GRM5: variants seen among roughly 807,000 people sequenced by gnomAD.
The protein encoded by GRM5 is glutamate metabotropic receptor 5, also known as metabotropic glutamate receptor 5.
Under a neutral mutation model 83.1 loss-of-function variants are expected in GRM5, and 19 were observed. The ratio of observed to expected loss-of-function variants is 0.23; its 90% confidence interval spans 0.16 to 0.34. The LOEUF is 0.34. Among genes scored for constraint, GRM5 ranks in the 10% least tolerant of loss-of-function variants. The pLI is 1.00. For synonymous variants in GRM5, 675 were observed against 633.6 expected, an observed-to-expected ratio of 1.07 and a Z score of -0.98; for missense variants, 1,160 against 1,588.3, an observed-to-expected ratio of 0.73 and a Z score of 4.58.
intron 3 of GRM5, among the ~76,000 whole-genome samples, chr11:88,770,388 A>C (rs1221698379): frequency 6.6e-6 from 1 of 152,136 alleles, no homozygotes; most frequent in Non-Finnish European, 1.5e-5. Context: ...TAACAAATAT[A>C]CTACACTAAT....
Position 88,515,930 on chromosome 11 carries a change from T to C in GRM5, c.2727-6426A>G, listed in dbSNP as rs184512907. On this transcript the variant is annotated intron_variant, in intron 9 of 9. Transcript: ENST00000305447. ...GAAGAGGAGAATCCTGGAATGGTAA[T>C]AGTTTCCATTTTAATAGAACTTTTC... 7.9e-5 allele frequency among the ~76,000 whole-genome samples: 12 copies of C among 152,352 alleles called. No individual in the cohort carries two copies. The East Asian group carries it at 2.1e-3, about 27-fold the overall frequency.
intron 2 of GRM5, among the ~76,000 whole-genome samples, chr11:88,888,273 C>G (rs1590940559): frequency 6.6e-6 from 1 of 152,244 alleles, no homozygotes. Context: ...GCTCCTAAGC[C>G]AAACCCTAAC....
In GRM5 at chr11:88,551,164, G is replaced by A. The variant is rs528424938; in HGVS notation, c.2630+15889C>T. On this transcript the variant is annotated intron_variant, in intron 8 of 9. Transcript: ENST00000305447. ...CATGGGGTTGTTTTAGTGGTTCAGT[G>A]AATGTCTATGTGGTACTGACAGTAG... Among the ~76,000 whole-genome samples the A allele has an allele frequency of 3.3e-5, 5 of 152,238 alleles. No individual in the cohort carries two copies. In the East Asian group the frequency reaches 9.7e-4, roughly 29 times the overall value.
At chr11:88,775,957 T>C (rs1285780288) in intron 3 of GRM5, among the ~76,000 whole-genome samples, 2 of 152,204 alleles carry the variant, frequency 1.3e-5, no homozygotes, top group South Asian at 2.1e-4. Context: ...CTATTAGGTC[T>C]GCTTGTTTCA....
intron 3 of GRM5, among the ~76,000 whole-genome samples, chr11:88,740,691 G>C (rs1280733657): frequency 6.6e-6 from 1 of 151,956 alleles, no homozygotes; most frequent in African/African-American, 2.4e-5. Context: ...ATCTAATAAG[G>C]CTTCGTGAGA....
intron 2 of GRM5, among the ~76,000 whole-genome samples, chr11:88,882,008 A>C (rs1944961949): frequency 6.6e-6 from 1 of 152,034 alleles, no homozygotes; most frequent in South Asian, 2.1e-4. Context: ...TTGGGATGCC[A>C]AGGTGGGCAG....
intron 3 of GRM5, among the ~76,000 whole-genome samples, chr11:88,689,164 AC>A (rs1045424792): frequency 3.3e-5 from 5 of 152,162 alleles, no homozygotes; most frequent in African/African-American, 1.2e-4. Context: ...ATTTGTAAAA[AC>A]AAAACATGCC....
rs147431142 is a variant in GRM5 at position 88,949,848 on chromosome 11, A to C, written c.661+97364T>G. On this transcript the variant is annotated intron_variant, in intron 2 of 9. Transcript: ENST00000305447. ...TTTAGGAGCCAAAAATGATATATAC[A>C]TCAATGTAATCAATATGCAATACTT... Among the ~76,000 whole-genome samples the C allele has an allele frequency of 5.1e-4, 77 of 152,218 alleles. No homozygotes were observed. In the East Asian group the frequency reaches 0.014, roughly 28 times the overall value.
chr11:88,918,137 A>G (rs1177040035), intron 2 of GRM5, among the ~76,000 whole-genome samples: 1 of 152,018 alleles, frequency 6.6e-6, no homozygotes, highest in Non-Finnish European at 1.5e-5. Context: ...GCAGACTTAA[A>G]GTCTTGACCT....
At chr11:88,731,705 T>C (rs1941812340) in intron 3 of GRM5, among the ~76,000 whole-genome samples, 1 of 151,964 alleles carries the variant, frequency 6.6e-6, no homozygotes, top group Non-Finnish European at 1.5e-5. Flanking sequence ...CTGACCTATA[T>C]TTACAGAAAT....
intron 2 of GRM5, among the ~76,000 whole-genome samples, chr11:88,869,294 G>T (rs146733953): frequency 2.6e-5 from 4 of 151,560 alleles, no homozygotes; most frequent in African/African-American, 9.7e-5. Flanking sequence ...ATTACACTGG[G>T]TCATGAGTTT....
At chr11:88,773,221 T>G (rs1591504941) in intron 3 of GRM5, among the ~76,000 whole-genome samples, 1 of 152,366 alleles carries the variant, frequency 6.6e-6, no homozygotes, top group East Asian at 1.9e-4. Context: ...CATTTTTTCA[T>G]GTGTCTGTTG....
At chr11:88,677,138 T>C (rs1940352649) in intron 3 of GRM5, among the ~76,000 whole-genome samples, 1 of 152,098 alleles carries the variant, frequency 6.6e-6, no homozygotes, top group Non-Finnish European at 1.5e-5. Flanking sequence ...TTAATTTTAC[T>C]ATATTCATTT....
chr11:88,848,588 A>C (rs1003375301), intron 3 of GRM5, among the ~76,000 whole-genome samples: 1 of 152,238 alleles, frequency 6.6e-6, no homozygotes, highest in Admixed American at 6.5e-5. Flanking sequence ...TATATGGTAC[A>C]TAATGTTTTA....
chr11:88,631,963 C>T (rs1938981561), intron 4 of GRM5, among the ~76,000 whole-genome samples: 1 of 151,824 alleles, frequency 6.6e-6, no homozygotes, highest in Non-Finnish European at 1.5e-5. Context: ...GATATTTGTC[C>T]TTATACATTT....
intron 3 of GRM5, among the ~76,000 whole-genome samples, chr11:88,740,736 A>T (rs1942010685): frequency 6.6e-6 from 1 of 152,088 alleles, no homozygotes; most frequent in Admixed American, 6.6e-5. Context: ...CATCATTAGC[A>T]CATCTTCAAC....
At chr11:89,001,606 T>A (rs1411695849) in intron 2 of GRM5, among the ~76,000 whole-genome samples, 2 of 152,058 alleles carry the variant, frequency 1.3e-5, no homozygotes, top group African/African-American at 4.8e-5. Context: ...TTTGTGGTGG[T>A]GGAGCTGCTC....
chr11:88,946,008 C>A (rs541167330), intron 2 of GRM5, among the ~76,000 whole-genome samples: 1 of 152,024 alleles, frequency 6.6e-6, no homozygotes, highest in Admixed American at 6.6e-5. Context: ...GTCTAGTATC[C>A]AGAAGCTATA....
chr11:88,908,643 T>C (rs913892500), intron 2 of GRM5, among the ~76,000 whole-genome samples: 3 of 152,196 alleles, frequency 2.0e-5, no homozygotes, highest in Non-Finnish European at 4.4e-5. Flanking sequence ...TACCTTATTT[T>C]AACAAAGTAT....
Sources: allele counts gnomAD v4.1 joint callset (sites outside exome capture counted in the v4.1 genomes callset), GRCh38; gene constraint gnomAD v4.1.1; transcripts MANE v1.5; gene names NCBI Gene and HGNC (gene_info 2026-07-23, HGNC 2026-07-21).